The following ARHGEF7 variants were observed in gnomAD, a reference collection of about 807,000 sequenced individuals.
ARHGEF7 encodes Rho guanine nucleotide exchange factor 7, also known as PAK-interacting exchange factor beta.
In ARHGEF7, 33 loss-of-function variants were observed where a neutral mutation model predicts 109.8. The observed-to-expected ratio is 0.30, with a 90% CI of 0.23 to 0.40. The LOEUF is 0.40. ARHGEF7 is among the 10% of genes least tolerant of loss of function. ARHGEF7 has a pLI of 1.00. For synonymous variants in ARHGEF7, 458 were observed against 424.6 expected (o/e 1.08, Z -0.97); for missense variants, 938 against 1,098.5 (o/e 0.85, Z 2.07).
At chr13:111,186,004 G>GTGTT (rs2079216200) in intron 2 of ARHGEF7, among the ~76,000 whole-genome samples, 1 of 145,570 alleles carries the variant, frequency 6.9e-6, no homozygotes, top group Non-Finnish European at 1.5e-5. Flanking sequence ...GTGTGTGTGT[G>GTGTT]TTTTCGTTTT....
In ARHGEF7 at chr13:111,233,251, A is replaced by C; in HGVS notation, c.717A>C (p.Lys239Asn). 1 of 1,614,178 alleles carries C rather than the reference A, an allele frequency of 6.2e-7. No individual in the cohort carries two copies. The highest frequency in any genetic ancestry group is 8.5e-7 in the Non-Finnish European group (1 of 1,179,988). ...PKSGTLKSPP[K>N]GFDTTAINKS... Reference sequence around the variant, plus strand: ...CAGGAACACTGAAGAGCCCTCCCAAAGGATTTGATACGACTGCCATAAACA... The same window carrying C: ...CAGGAACACTGAAGAGCCCTCCCAACGGATTTGATACGACTGCCATAAACA... The change falls in exon 6 of 22, where the codon AAA becomes AAC. Residue 239 changes from lysine to asparagine, a missense_variant. Physicochemically the swap from Lys to Asn is moderately conservative, Grantham distance 94. Coordinates refer to ENST00000646102, the MANE Select transcript of ARHGEF7 (RefSeq NM_001354046.2).
intron 2 of ARHGEF7, among the ~76,000 whole-genome samples, chr13:111,200,719 C>T (rs1369634167): frequency 2.0e-5 from 3 of 152,238 alleles, no homozygotes; most frequent in African/African-American, 7.2e-5. Flanking sequence ...TCAACACCAT[C>T]TGATACGTAG....
At chr13:111,175,478 G>A (rs1320064907) in intron 2 of ARHGEF7, among the ~76,000 whole-genome samples, 1 of 152,182 alleles carries the variant, frequency 6.6e-6, no homozygotes, top group Non-Finnish European at 1.5e-5. Flanking sequence ...AGGGCACCCA[G>A]GCAGAAGAGT....
chr13:111,187,023 T>C (rs2079334107), intron 2 of ARHGEF7: 1 of 985,748 alleles, frequency 1.0e-6, no homozygotes. Context: ...AAGGTTGCTG[T>C]GCTTGTTGGT....
intron 2 of ARHGEF7, among the ~76,000 whole-genome samples, chr13:111,167,291 A>G (rs1344080140): frequency 6.6e-6 from 1 of 152,198 alleles, no homozygotes; most frequent in Non-Finnish European, 1.5e-5. Context: ...ATCAAGTTGT[A>G]TTTTATATTT....
At chr13:111,208,711 G>A (rs1289927143) in intron 3 of ARHGEF7, among the ~76,000 whole-genome samples, 1 of 152,132 alleles carries the variant, frequency 6.6e-6, no homozygotes, top group Non-Finnish European at 1.5e-5. Flanking sequence ...AGCAGAATGT[G>A]CTCTATAGAG....
chr13:111,292,925 C>T, intron 19 of ARHGEF7: 1 of 986,614 alleles, frequency 1.0e-6, no homozygotes, highest in African/African-American at 1.7e-5. Flanking sequence ...CACGTGTGTT[C>T]AGAGCTTGTC....
intron 2 of ARHGEF7, among the ~76,000 whole-genome samples, chr13:111,166,128 T>C (rs551200539): frequency 6.6e-6 from 1 of 152,336 alleles, no homozygotes; most frequent in African/African-American, 2.4e-5. Flanking sequence ...CTCACCTGGA[T>C]CACTGCAGCA....
chr13:111,191,140 T>G (rs1428063671), intron 2 of ARHGEF7, among the ~76,000 whole-genome samples: 1 of 151,958 alleles, frequency 6.6e-6, no homozygotes. Context: ...CTGGACTGTT[T>G]AGGGAGGAGG....
chr13:111,271,002 A>G (rs1350000099), intron 9 of ARHGEF7, among the ~76,000 whole-genome samples: 3 of 152,200 alleles, frequency 2.0e-5, no homozygotes, highest in African/African-American at 4.8e-5. Flanking sequence ...GGGGCCGGCC[A>G]TGCCATCCAC....
intron 2 of ARHGEF7, among the ~76,000 whole-genome samples, chr13:111,173,290 C>T (rs1456628522): frequency 6.6e-6 from 1 of 152,192 alleles, no homozygotes; most frequent in African/African-American, 2.4e-5. Flanking sequence ...GCCTGGCAGC[C>T]TGGAGGGGTG....
chr13:111,236,183 A>G (rs925100820), intron 6 of ARHGEF7, among the ~76,000 whole-genome samples: 11 of 152,186 alleles, frequency 7.2e-5, no homozygotes, highest in African/African-American at 2.4e-4. Flanking sequence ...CTGTGGTGCA[A>G]TTAGTCAAAT....
chr13:111,168,801 A>C (rs1365711947), intron 2 of ARHGEF7, among the ~76,000 whole-genome samples: 1 of 152,208 alleles, frequency 6.6e-6, no homozygotes. Context: ...GACTCCAAGA[A>C]AGTGATGCTG....
intron 2 of ARHGEF7, among the ~76,000 whole-genome samples, chr13:111,170,223 G>T (rs1161925785): frequency 2.5e-5 from 3 of 120,446 alleles, no homozygotes; most frequent in Admixed American, 9.4e-5. Flanking sequence ...TCAACCTCTC[G>T]AGTAGCTGAG....
At chr13:111,149,846 T>C (rs1038230144) in intron 1 of ARHGEF7, among the ~76,000 whole-genome samples, 8 of 152,138 alleles carry the variant, frequency 5.3e-5, no homozygotes, top group East Asian at 1.9e-4. Context: ...ATACATAAAG[T>C]CCTGAAAAAA....
intron 2 of ARHGEF7, among the ~76,000 whole-genome samples, chr13:111,156,009 C>T (rs1327969495): frequency 2.0e-5 from 3 of 150,004 alleles, no homozygotes; most frequent in Non-Finnish European, 2.9e-5. Flanking sequence ...CCCTTGAACC[C>T]CGGAGGCAGA....
intron 2 of ARHGEF7, among the ~76,000 whole-genome samples, chr13:111,155,714 T>C (rs1223225474): frequency 6.6e-6 from 1 of 152,240 alleles, no homozygotes; most frequent in East Asian, 1.9e-4. Flanking sequence ...TAACATACTT[T>C]TGAAACTCAA....
chr13:111,189,640 C>A (rs973958222), intron 2 of ARHGEF7, among the ~76,000 whole-genome samples: 1 of 152,132 alleles, frequency 6.6e-6, no homozygotes, highest in Non-Finnish European at 1.5e-5. Flanking sequence ...AGTGGGTTGC[C>A]GCTGCTGGCT....
intron 17 of ARHGEF7, among the ~76,000 whole-genome samples, chr13:111,286,795 A>G (rs1327339790): frequency 6.6e-6 from 1 of 152,158 alleles, no homozygotes; most frequent in Non-Finnish European, 1.5e-5. Flanking sequence ...TAGCTTTTGA[A>G]TAAGTGGAGC....
Sources: allele counts gnomAD v4.1 joint callset (sites outside exome capture counted in the v4.1 genomes callset), GRCh38; gene constraint gnomAD v4.1.1; transcripts MANE v1.5; gene names NCBI Gene and HGNC (gene_info 2026-07-23, HGNC 2026-07-21).